SV2C: variants seen among roughly 807,000 people sequenced by gnomAD.
The protein encoded by SV2C is solute carrier family 22 member B3.
SV2C carries 49 observed loss-of-function variants against 79.7 expected under a neutral mutation model. The observed-to-expected ratio is 0.61, with a 90% CI of 0.49 to 0.78. The LOEUF is 0.78. SV2C is among the 30% of genes least tolerant of loss of function. SV2C has a pLI of 0.00. For synonymous variants in SV2C, 334 were observed against 333.2 expected (o/e 1.00, Z -0.03); for missense variants, 833 against 912.9 (o/e 0.91, Z 1.13).
chr5:76,030,289 T>TTTTTTTA, the SV2C span, among the ~76,000 whole-genome samples: 707 of 117,858 alleles, frequency 6.0e-3, 9 homozygotes, highest in South Asian at 8.5e-3. Flanking sequence ...TTTTTTTTTT[T>TTTTTTTA]TTTATTTATT....
intron 1 of SV2C, among the ~76,000 whole-genome samples, chr5:76,094,474 G>T (rs1747481536): frequency 6.6e-6 from 1 of 151,910 alleles, no homozygotes; most frequent in African/African-American, 2.4e-5. Context: ...AAAGATTCAT[G>T]TTTTTTTGTG....
chr5:76,002,876 A>T, the SV2C span, among the ~76,000 whole-genome samples: 73,565 of 151,210 alleles, frequency 0.49, 18,689 homozygotes, highest in Middle Eastern at 0.62. Context: ...TGTTTTTTTT[A>T]AAATATGTAA....
the SV2C span, among the ~76,000 whole-genome samples, chr5:75,954,148 C>A: frequency 1.2e-4 from 18 of 151,938 alleles, no homozygotes; most frequent in African/African-American, 4.3e-4. Context: ...GGATGGGATA[C>A]AGTCAAAGGG....
chr5:75,877,769 T>C, the SV2C span, among the ~76,000 whole-genome samples: 78 of 152,218 alleles, frequency 5.1e-4, no homozygotes, highest in South Asian at 0.011. Flanking sequence ...AAATCTCATG[T>C]TGAAATGTAA....
chr5:76,036,721 T>C, the SV2C span, among the ~76,000 whole-genome samples: 3 of 152,186 alleles, frequency 2.0e-5, no homozygotes, highest in Admixed American at 6.5e-5. Flanking sequence ...CAATTAGGTG[T>C]CTTGGAGTTG....
chr5:76,235,579 G>A (rs1278152852), intron 4 of SV2C, among the ~76,000 whole-genome samples: 1 of 152,162 alleles, frequency 6.6e-6, no homozygotes, highest in Non-Finnish European at 1.5e-5. Flanking sequence ...TAGTGTGGCC[G>A]AAACTCAGAA....
chr5:76,343,793 T>C (rs545885550), intron 12 of SV2C, among the ~76,000 whole-genome samples: 1 of 152,336 alleles, frequency 6.6e-6, no homozygotes, highest in South Asian at 2.1e-4. Context: ...CTGCCTTTCA[T>C]GTGGATCGCT....
intron 1 of SV2C, among the ~76,000 whole-genome samples, chr5:76,131,311 A>G (rs1748881932): frequency 6.6e-6 from 1 of 152,152 alleles, no homozygotes; most frequent in South Asian, 2.1e-4. Context: ...TGCTTGTAGC[A>G]TTTCAAAATG....
At chr5:76,342,118 AAGAGGAGGAAGG>A (rs1225343526) in intron 12 of SV2C, among the ~76,000 whole-genome samples, 1 of 152,088 alleles carries the variant, frequency 6.6e-6, no homozygotes, top group Non-Finnish European at 1.5e-5. Flanking sequence ...GGCAGCCAGA[AAGAGGAGGAAGG>A]AGAGAAGGAA....
chr5:76,090,619 G>A (rs1747344049), intron 1 of SV2C, among the ~76,000 whole-genome samples: 1 of 152,142 alleles, frequency 6.6e-6, no homozygotes, highest in Admixed American at 6.6e-5. Flanking sequence ...GGTGACTGCA[G>A]TGAATCCTCA....
chr5:76,263,972 T>C (rs1337009321), intron 4 of SV2C, among the ~76,000 whole-genome samples: 1 of 152,162 alleles, frequency 6.6e-6, no homozygotes, highest in Non-Finnish European at 1.5e-5. Flanking sequence ...AATTTAAATG[T>C]TGACCTGTCT....
intron 12 of SV2C, among the ~76,000 whole-genome samples, chr5:76,305,887 G>A (rs776126101): frequency 6.6e-6 from 1 of 152,144 alleles, no homozygotes; most frequent in Non-Finnish European, 1.5e-5. Flanking sequence ...TGATTTAAGG[G>A]ACACAAAAAG....
chr5:76,281,067 C>T (rs1275709454), intron 4 of SV2C: 3 of 541,940 alleles, frequency 5.5e-6, no homozygotes, highest in Non-Finnish European at 1.1e-5. Flanking sequence ...GGTTAAGTAA[C>T]TTAGCACGTG....
intron 2 of SV2C, among the ~76,000 whole-genome samples, chr5:76,148,717 T>G (rs1749511815): frequency 6.6e-6 from 1 of 152,178 alleles, no homozygotes; most frequent in South Asian, 2.1e-4. Context: ...GCTTCTCAAG[T>G]GCTGAGATTA....
chr5:76,193,557 A>T (rs1369763859), intron 2 of SV2C, among the ~76,000 whole-genome samples: 1 of 152,224 alleles, frequency 6.6e-6, no homozygotes, highest in Non-Finnish European at 1.5e-5. Context: ...ATAATTAATA[A>T]CAAGGATAGC....
chr5:76,294,762 C>T (rs1337484264), intron 8 of SV2C, among the ~76,000 whole-genome samples: 1 of 152,112 alleles, frequency 6.6e-6, no homozygotes, highest in African/African-American at 2.4e-5. Flanking sequence ...CTGTACTGAA[C>T]AGTACAGCAG....
the SV2C span, among the ~76,000 whole-genome samples, chr5:75,985,052 G>A: frequency 2.0e-5 from 3 of 151,912 alleles, no homozygotes; most frequent in Non-Finnish European, 4.4e-5. Flanking sequence ...TGATTCTGGT[G>A]GCTGGAATGT....
At chr5:76,038,282 G>A in the SV2C span, among the ~76,000 whole-genome samples, 1 of 152,222 alleles carries the variant, frequency 6.6e-6, no homozygotes, top group Non-Finnish European at 1.5e-5. Context: ...GAGGAAATCA[G>A]TGAGTGAATG....
chr5:75,905,282 G>A, the SV2C span, among the ~76,000 whole-genome samples: 1 of 152,140 alleles, frequency 6.6e-6, no homozygotes, highest in Non-Finnish European at 1.5e-5. Flanking sequence ...TGAGAACAAA[G>A]ACCCTTGATA....
Sources: gnomAD v4.1 joint callset for allele counts (sites outside exome capture counted in the v4.1 genomes callset) on GRCh38, gnomAD v4.1.1 for gene constraint, MANE v1.5 for transcripts, NCBI Gene and HGNC (gene_info 2026-07-23, HGNC 2026-07-21) for gene names.